The following RASSF8 variants were observed in gnomAD, a reference collection of about 807,000 sequenced individuals.
RASSF8 encodes ras association domain-containing protein 8.
Under a neutral mutation model 48.5 loss-of-function variants are expected in RASSF8, and 22 were observed. The ratio of observed to expected loss-of-function variants is 0.45; its 90% CI spans 0.32 to 0.65. The LOEUF (loss-of-function observed/expected upper bound fraction) is 0.65. Among genes scored for constraint, RASSF8 ranks in the 30% least tolerant of loss-of-function variants. The probability of loss-of-function intolerance (pLI) is 0.03; values close to 1 mark genes in which losing one functional copy is unlikely to be tolerated. For missense variants in RASSF8, 418 were observed against 489.2 expected (o/e 0.85, Z 1.37); for synonymous variants, 127 against 171.5 (o/e 0.74, Z 2.03).
At chr12:25,988,807 AGGGAAATG>A (rs1195733367) in intron 1 of RASSF8, among the ~76,000 whole-genome samples, 2 of 152,174 alleles carry the variant, frequency 1.3e-5, no homozygotes, top group Non-Finnish European at 2.9e-5. Flanking sequence ...ATGGTATGGT[AGGGAAATG>A]GGTCTAAACA....
chr12:26,013,674 A>G (rs886203239), intron 2 of RASSF8, among the ~76,000 whole-genome samples: 3 of 151,812 alleles, frequency 2.0e-5, no homozygotes, highest in African/African-American at 7.3e-5. Flanking sequence ...ACTTTTACCT[A>G]TGTTGTTTAT....
At position 26,072,021 on chromosome 12, in the gene RASSF8, A is replaced by T; in HGVS notation, c.*3203A>T. 1.0e-6 allele frequency: 1 copy of T among 985,372 alleles called. No individual in the cohort carries two copies. The highest frequency in any genetic ancestry group is 1.2e-6 in the Non-Finnish European group (1 of 829,872). The allele number at this position is 985,372 out of a possible 1,614,324, so 61.0% of individuals were successfully genotyped here. On this transcript the variant is annotated 3_prime_UTR_variant, in exon 6 of 6. Coordinates refer to ENST00000689635, the MANE Select transcript of RASSF8 (RefSeq NM_001394098.1). ...AAACATCTTCCAAGATAGAACTGTA[A>T]TGGATTGAGGAAATAACACAGAAAA...
intron 1 of RASSF8, among the ~76,000 whole-genome samples, chr12:25,994,285 A>G (rs1312535892): frequency 6.6e-6 from 1 of 152,194 alleles, no homozygotes; most frequent in Non-Finnish European, 1.5e-5. Flanking sequence ...TTTTAAAAAA[A>G]AAAAAAATGG....
intron 3 of RASSF8, among the ~76,000 whole-genome samples, 160 bp from the exon 4 acceptor site, chr12:26,064,338 T>C (rs1267904627): frequency 6.6e-6 from 1 of 152,226 alleles, no homozygotes; most frequent in East Asian, 1.9e-4. Context: ...GTGAGGGGTT[T>C]GGTATCTTCA....
chr12:26,012,369 C>T (rs1942546696), intron 2 of RASSF8, among the ~76,000 whole-genome samples: 1 of 152,186 alleles, frequency 6.6e-6, no homozygotes, highest in Non-Finnish European at 1.5e-5. Flanking sequence ...ACCAAATCTC[C>T]TCTTTTTCCT....
Position 26,071,881 on chromosome 12 carries a change from A to G in RASSF8, c.*3063A>G. 1.0e-6 allele frequency: 1 copy of G among 984,986 alleles called. No individual in the cohort carries two copies. Among genetic ancestry groups the G allele is most frequent in the Non-Finnish European group, 1.2e-6 (1 of 829,530 alleles). The allele number at this position is 984,986 out of a possible 1,614,324, so 61.0% of individuals were successfully genotyped here. ...CAATATATAACAAGAACATGTAAGC[A>G]CTTGCTTCCACAGCATAAATGTAAT... On this transcript the variant is annotated 3_prime_UTR_variant, in exon 6 of 6. Transcript: ENST00000689635.
intron 2 of RASSF8, among the ~76,000 whole-genome samples, chr12:26,002,513 C>T (rs573815388): frequency 2.7e-5 from 4 of 150,648 alleles, no homozygotes; most frequent in African/African-American, 4.9e-5. Context: ...CAGTGGCTCA[C>T]GCTTGTAATC....
At chr12:25,994,823 T>C (rs1314197315) in intron 1 of RASSF8, among the ~76,000 whole-genome samples, 2 of 152,186 alleles carry the variant, frequency 1.3e-5, no homozygotes, top group Non-Finnish European at 2.9e-5. Context: ...AAAATGCTAA[T>C]TGAAACCAAA....
At chr12:25,976,471 A>T (rs759338834) in intron 1 of RASSF8, among the ~76,000 whole-genome samples, 1 of 152,164 alleles carries the variant, frequency 6.6e-6, no homozygotes, top group Non-Finnish European at 1.5e-5. Flanking sequence ...TGCATGTGAC[A>T]TTTGTAACTT....
At chr12:25,994,551 A>G (rs1013467153) in intron 1 of RASSF8, among the ~76,000 whole-genome samples, 29 of 152,190 alleles carry the variant, frequency 1.9e-4, no homozygotes, top group African/African-American at 6.5e-4. Context: ...AGTAGTAGGA[A>G]TTTGTACTTA....
At chr12:26,002,989 A>G (rs147814770) in intron 2 of RASSF8, among the ~76,000 whole-genome samples, 480 of 152,366 alleles carry the variant, frequency 3.2e-3, no homozygotes, top group Middle Eastern at 6.8e-3. Context: ...TAACCTATAC[A>G]TAAATGTAAC....
At chr12:25,990,858 CAATTTCA>C (rs1941998185) in intron 1 of RASSF8, among the ~76,000 whole-genome samples, 1 of 152,038 alleles carries the variant, frequency 6.6e-6, no homozygotes, top group Non-Finnish European at 1.5e-5. Flanking sequence ...TGAATATTTA[CAATTTCA>C]AACGGGTTTT....
intron 1 of RASSF8, among the ~76,000 whole-genome samples, chr12:25,988,152 C>T (rs537951243): frequency 5.9e-5 from 9 of 152,072 alleles, no homozygotes; most frequent in East Asian, 1.9e-4. Flanking sequence ...TGAGCCACCA[C>T]GCCTGGTCGA....
intron 2 of RASSF8, among the ~76,000 whole-genome samples, chr12:25,997,679 G>T (rs928523821): frequency 2.6e-5 from 4 of 152,106 alleles, no homozygotes; most frequent in African/African-American, 9.7e-5. Context: ...TGGTAGGAGG[G>T]GGGTGACATT....
intron 3 of RASSF8, among the ~76,000 whole-genome samples, chr12:26,060,629 A>G (rs1591812930): frequency 6.6e-6 from 1 of 152,204 alleles, no homozygotes; most frequent in African/African-American, 2.4e-5. Flanking sequence ...ACAGAGATCA[A>G]CGCTTACTGT....
At chr12:26,075,886 G>C (rs2729626), downstream of RASSF8, among the ~76,000 whole-genome samples, 123,857 of 152,022 alleles carry the variant, frequency 0.81, 50,749 homozygotes, top group African/African-American at 0.9. Context: ...GCTCACCAGA[G>C]AAGCCACTGT....
intron 2 of RASSF8, among the ~76,000 whole-genome samples, chr12:25,996,224 C>G (rs1411342369): frequency 1.3e-5 from 2 of 152,158 alleles, no homozygotes; most frequent in Admixed American, 6.5e-5. Flanking sequence ...AAAGCCTATT[C>G]AGACCCTATT....
chr12:25,972,638 C>T (rs953591446), intron 1 of RASSF8, among the ~76,000 whole-genome samples: 2 of 151,994 alleles, frequency 1.3e-5, no homozygotes, highest in Non-Finnish European at 2.9e-5. Context: ...AGATTGTACA[C>T]AGAAGGTGAT....
intron 1 of RASSF8, among the ~76,000 whole-genome samples, chr12:25,978,976 C>A (rs1941674249): frequency 6.6e-6 from 1 of 152,110 alleles, no homozygotes; most frequent in African/African-American, 2.4e-5. Flanking sequence ...CACAGTACTT[C>A]ATGCTAGTTA....
Sources: allele counts gnomAD v4.1 joint callset (sites outside exome capture counted in the v4.1 genomes callset), GRCh38; gene constraint gnomAD v4.1.1; transcripts MANE v1.5; gene names NCBI Gene and HGNC (gene_info 2026-07-23, HGNC 2026-07-21).